The following C8orf34 variants were observed in gnomAD, a reference collection of about 807,000 sequenced individuals.
C8orf34 encodes the protein chromosome 8 open reading frame 34.
In C8orf34, 65 loss-of-function variants were observed where a neutral mutation model predicts 68.3. That is an observed-to-expected ratio of 0.95 (90% CI 0.78 to 1.17). The LOEUF (loss-of-function observed/expected upper bound fraction) is 1.17, where lower values mean the gene tolerates loss of function less well. Among genes scored for constraint, C8orf34 ranks in the 50% most tolerant of loss-of-function variants. The pLI, the probability that C8orf34 is intolerant of heterozygous loss-of-function variation, is 0.00. For synonymous variants in C8orf34, 244 were observed against 241.2 expected (o/e 1.01, Z -0.11); for missense variants, 664 against 655.4 (o/e 1.01, Z -0.14).
intron 8 of C8orf34, among the ~76,000 whole-genome samples, chr8:68,696,147 C>T (rs937445070): frequency 3.3e-5 from 5 of 150,292 alleles, no homozygotes; most frequent in African/African-American, 1.2e-4. Flanking sequence ...GCCTGTGTGA[C>T]AGTGAGATCC....
At chr8:68,343,256 A>C (rs558803504) in intron 1 of C8orf34, among the ~76,000 whole-genome samples, 1 of 152,278 alleles carries the variant, frequency 6.6e-6, no homozygotes, top group African/African-American at 2.4e-5. Context: ...TTAAAACCAC[A>C]ATGAGAAATC....
chr8:68,622,714 G>A (rs1818423230), intron 7 of C8orf34, among the ~76,000 whole-genome samples: 1 of 152,148 alleles, frequency 6.6e-6, no homozygotes, highest in Non-Finnish European at 1.5e-5. Context: ...CAAAAGGACT[G>A]GAGATGAAAC....
chr8:68,440,096 G>A (rs1201222097), intron 2 of C8orf34, among the ~76,000 whole-genome samples: 3 of 152,094 alleles, frequency 2.0e-5, no homozygotes, highest in Non-Finnish European at 2.9e-5. Flanking sequence ...TAAACCTTAG[G>A]AAGATTCACT....
intron 7 of C8orf34, among the ~76,000 whole-genome samples, chr8:68,576,381 C>T (rs1308689565): frequency 6.6e-6 from 1 of 151,494 alleles, no homozygotes; most frequent in Admixed American, 6.6e-5. Context: ...TTTCCTTCAA[C>T]TATGGTGCAA....
chr8:68,540,370 C>A (rs7822626), intron 7 of C8orf34, among the ~76,000 whole-genome samples: 6 of 150,180 alleles, frequency 4.0e-5, no homozygotes, highest in Non-Finnish European at 3.0e-5. Context: ...TATTTTTTAT[C>A]TCTGGCACTT....
At chr8:68,792,571 C>CAAAAAAAAAAAA (rs1162293308) in intron 12 of C8orf34, 2 of 42,294 alleles carry the variant, frequency 4.7e-5, no homozygotes, top group African/African-American at 1.4e-4. Flanking sequence ...GACTCCATCT[C>CAAAAAAAAAAAA]AAAAAAAAAA....
intron 10 of C8orf34, among the ~76,000 whole-genome samples, chr8:68,758,049 T>C (rs1458457634): frequency 1.3e-5 from 2 of 152,204 alleles, no homozygotes; most frequent in Non-Finnish European, 2.9e-5. Flanking sequence ...AGTCAGCAAA[T>C]ATTTACTGCG....
At chr8:68,669,798 T>C (rs562169219) in intron 8 of C8orf34, among the ~76,000 whole-genome samples, 86 of 152,254 alleles carry the variant, frequency 5.6e-4, no homozygotes, top group South Asian at 4.6e-3. Flanking sequence ...AACAGAAAAT[T>C]GGAGTGATGG....
chr8:68,577,905 A>T (rs1347972553), intron 7 of C8orf34, among the ~76,000 whole-genome samples: 1 of 151,906 alleles, frequency 6.6e-6, no homozygotes, highest in Non-Finnish European at 1.5e-5. Context: ...GAAAAAAAAA[A>T]TGCTGAAATG....
chr8:68,657,427 G>T (rs1447970693), intron 8 of C8orf34, among the ~76,000 whole-genome samples: 1 of 152,028 alleles, frequency 6.6e-6, no homozygotes, highest in Non-Finnish European at 1.5e-5. Context: ...CATACAGAAG[G>T]CACTCTCTAT....
At position 68,691,531 on chromosome 8, in the gene C8orf34, T is replaced by C. The variant is rs139044049; in HGVS notation, c.1242-17463T>C. On this transcript the variant is annotated intron_variant, in intron 8 of 13. Coordinates refer to ENST00000518698, the MANE Select transcript of C8orf34 (RefSeq NM_052958.4). ...TGACTTCAAACTGATAAGTGAATTA[T>C]TTAAATATCTTTTTTCTAACTATGT... Among the ~76,000 whole-genome samples the C allele has an allele frequency of 4.3e-3, 659 of 152,204 alleles. 10 individuals are homozygous for C. The highest frequency in any genetic ancestry group is 0.015 in the African/African-American group (622 of 41,562).
At chr8:68,530,799 G>A (rs890579703) in intron 6 of C8orf34, 5 of 173,874 alleles carry the variant, frequency 2.9e-5, no homozygotes, top group Admixed American at 6.3e-5. Flanking sequence ...GCATTTTTAC[G>A]ACATCTTAGC....
Position 68,550,137 on chromosome 8 carries a change from G to A in C8orf34, c.1105+16988G>A, listed in dbSNP as rs1003231257. Among the ~76,000 whole-genome samples, 10 of 151,682 alleles carry A rather than the reference G, an allele frequency of 6.6e-5. No individual in the cohort carries two copies. In the Middle Eastern group the frequency reaches 0.01, roughly 155 times the overall value. On this transcript the variant is annotated intron_variant, in intron 7 of 13. Transcript: ENST00000518698. Reference sequence around the variant, plus strand: ...TCTACCATTTTTTCTTGTTTTCTATGTATTATTCTTGTTCTTTGTTCCTAC... The same window carrying A: ...TCTACCATTTTTTCTTGTTTTCTATATATTATTCTTGTTCTTTGTTCCTAC...
chr8:68,611,276 T>A (rs1242621497), intron 7 of C8orf34, among the ~76,000 whole-genome samples: 1 of 152,178 alleles, frequency 6.6e-6, no homozygotes, highest in Middle Eastern at 3.2e-3. Context: ...GGCAGAAATA[T>A]GAAAACTGAT....
At chr8:68,494,094 T>A (rs542434433) in intron 5 of C8orf34, among the ~76,000 whole-genome samples, 5 of 152,142 alleles carry the variant, frequency 3.3e-5, no homozygotes, top group African/African-American at 1.2e-4. Context: ...TTATTCACAA[T>A]GACCAAGAGG....
intron 8 of C8orf34, among the ~76,000 whole-genome samples, chr8:68,652,308 G>A (rs1472317230): frequency 6.6e-6 from 1 of 152,134 alleles, no homozygotes. Flanking sequence ...TATACATTAT[G>A]TATCTAGACC....
intron 1 of C8orf34, among the ~76,000 whole-genome samples, chr8:68,397,069 C>T (rs993332803): frequency 6.6e-6 from 1 of 151,902 alleles, no homozygotes; most frequent in Admixed American, 6.6e-5. Flanking sequence ...TGCAGTGGCA[C>T]GATCTTGGCT....
chr8:68,807,033 T>C (rs956352450), intron 12 of C8orf34, among the ~76,000 whole-genome samples: 2 of 152,224 alleles, frequency 1.3e-5, no homozygotes, highest in African/African-American at 4.8e-5. Context: ...CCTTGATTTC[T>C]CTCCTGTAGA....
intron 13 of C8orf34, among the ~76,000 whole-genome samples, chr8:68,817,122 T>C (rs1346022649): frequency 6.6e-6 from 1 of 152,172 alleles, no homozygotes; most frequent in Non-Finnish European, 1.5e-5. Context: ...GTCATTATCA[T>C]GGGTGATACA....
Sources: allele counts gnomAD v4.1 joint callset (sites outside exome capture counted in the v4.1 genomes callset), GRCh38; gene constraint gnomAD v4.1.1; transcripts MANE v1.5; gene names NCBI Gene and HGNC (gene_info 2026-07-23, HGNC 2026-07-21).